Variants in YIPF6 observed in about 807,000 individuals in gnomAD.
YIPF6 encodes the protein protein YIPF6.
Under a neutral mutation model 16.8 loss-of-function variants are expected in YIPF6, and 3 were observed. The observed-to-expected ratio is 0.18, with a 90% CI of 0.08 to 0.46. YIPF6 has a LOEUF of 0.46. Ranked by LOEUF, YIPF6 falls within the 20% of genes least tolerant of loss-of-function variation. The pLI is 0.98. For synonymous variants in YIPF6, 67 were observed against 61.9 expected (o/e 1.08, Z -0.38); for missense variants, 145 against 184.9 (o/e 0.78, Z 1.25).
chrX:68,500,567 G>A (rs994275192), intron 1 of YIPF6, among the ~76,000 whole-genome samples: 1 of 111,303 alleles, frequency 9.0e-6, no homozygotes, highest in South Asian at 3.8e-4. Context: ...TGCCCGCCTC[G>A]GCCTCCCAAA....
At chrX:68,499,288 G>T in intron 1 of YIPF6, 165 bp downstream of exon 1, 1 of 640,083 alleles carries the variant, frequency 1.6e-6, no homozygotes, top group Non-Finnish European at 2.3e-6. Flanking sequence ...TGTTCTTTGC[G>T]CTAACCGCTT....
rs372331901 is a variant in YIPF6, at chrX:68,532,248, T to C, written c.*249T>C. On this transcript the variant is annotated 3_prime_UTR_variant, in exon 7 of 7. Coordinates refer to ENST00000462683, the MANE Select transcript of YIPF6 (RefSeq NM_173834.4). Reference sequence around the variant, plus strand: ...ATACATGTGCATACTACACACAGTATATAATGCCTCCTTAAGGCATGATGG... The same window carrying C: ...ATACATGTGCATACTACACACAGTACATAATGCCTCCTTAAGGCATGATGG... 1.2e-3 allele frequency: 294 copies of C among 246,203 alleles called. 5 individuals carry two copies. In the South Asian group the frequency reaches 0.04, roughly 34 times the overall value. 20.3% of individuals were successfully genotyped at this position (246,203 alleles called of 1,213,427 possible).
rs756520434 is a variant in YIPF6, at chrX:68,535,837, T to G, written c.*3838T>G. 4 of 111,254 alleles carry G rather than the reference T, an allele frequency of 3.6e-5. No individual in the cohort carries two copies. The East Asian group carries it at 1.1e-3, about 31-fold the overall frequency. 9.2% of individuals were successfully genotyped at this position (111,254 alleles called of 1,213,427 possible). A position where few individuals can be genotyped will look rare whatever the true frequency, so the allele number is the denominator to read the frequency against. On this transcript the variant is annotated 3_prime_UTR_variant, in exon 7 of 7. Transcript: ENST00000462683. ...AGACAGGGACTCACCCAGGCTGGAG[T>G]GCAGTGGAGCAGTCATGGCACACTG...
chrX:68,512,446 C>T (rs1361096766), intron 2 of YIPF6, among the ~76,000 whole-genome samples: 1 of 109,783 alleles, frequency 9.1e-6, no homozygotes, highest in Non-Finnish European at 1.9e-5. Flanking sequence ...AGCAAGACTC[C>T]ATCTCAAAAA....
chrX:68,516,495 A>G (rs913617424), intron 3 of YIPF6, among the ~76,000 whole-genome samples: 7 of 111,648 alleles, frequency 6.3e-5, no homozygotes, highest in Non-Finnish European at 1.3e-4. Context: ...ACATGACAGT[A>G]CACTTGAATT....
At chrX:68,526,798 C>T (rs2079150307) in intron 6 of YIPF6, among the ~76,000 whole-genome samples, 1 of 111,869 alleles carries the variant, frequency 8.9e-6, no homozygotes, top group African/African-American at 3.3e-5. Context: ...ATATGTTGAA[C>T]CAACCTTGCA....
intron 1 of YIPF6, among the ~76,000 whole-genome samples, chrX:68,507,781 T>A (rs1236422581): frequency 3.6e-5 from 4 of 110,031 alleles, no homozygotes; most frequent in African/African-American, 1.3e-4. Flanking sequence ...TTTTTGTATT[T>A]TTAGTAGAGA....
chrX:68,518,858 C>G, intron 4 of YIPF6, 46 bp downstream of exon 4: 1 of 1,109,992 alleles, frequency 9.0e-7, no homozygotes, highest in Non-Finnish European at 1.2e-6. Context: ...CTAGACTAGA[C>G]TTTTTTGTGG....
chrX:68,516,590 T>A (rs780924534), intron 3 of YIPF6, among the ~76,000 whole-genome samples: 2 of 112,098 alleles, frequency 1.8e-5, no homozygotes, highest in Non-Finnish European at 3.8e-5. Flanking sequence ...GTTTTTTATG[T>A]CTTTTCCAAA....
In YIPF6 at chrX:68,532,772, C is replaced by T; in HGVS notation, c.*773C>T. 1 of 111,701 alleles carries T rather than the reference C, an allele frequency of 9.0e-6. No homozygotes were observed. Among genetic ancestry groups the T allele is most frequent in the Non-Finnish European group, 1.9e-5 (1 of 53,127 alleles). The allele number at this position is 111,701 out of a possible 1,213,427, so 9.2% of individuals were successfully genotyped here. A position where few individuals can be genotyped will look rare whatever the true frequency, so the allele number is the denominator to read the frequency against. On this transcript the variant is annotated 3_prime_UTR_variant, in exon 7 of 7. Coordinates refer to ENST00000462683, the MANE Select transcript of YIPF6 (RefSeq NM_173834.4). Reference sequence around the variant, plus strand: ...ATGTCAGTAGTCAACATGTAATTTTCCTTTGAAATTCTGAATATTCCAGTG... The same window carrying T: ...ATGTCAGTAGTCAACATGTAATTTTTCTTTGAAATTCTGAATATTCCAGTG...
At chrX:68,499,570 G>A (rs779865697) in intron 1 of YIPF6, among the ~76,000 whole-genome samples, 5 of 111,664 alleles carry the variant, frequency 4.5e-5, no homozygotes, top group Non-Finnish European at 5.6e-5. Flanking sequence ...GACCCCAGTA[G>A]GCCAGGTTTA....
chrX:68,511,920 A>G lies in YIPF6; in HGVS notation c.129A>G (p.Arg43=). The stretch of plus-strand genomic sequence containing the variant: ...AAGGAGAAATCACCATTCCTATGAG[A>G]TCTCGCATCCGGGAGTTTGACAGCT... ...PVEGEITIPM[R]SRIREFDSST... is the part of the protein sequence containing the mutation. Residue 43 remains arginine, a synonymous_variant, in exon 2 of 7, where the codon AGA becomes AGG. Coordinates refer to ENST00000462683, the MANE Select transcript of YIPF6 (RefSeq NM_173834.4). 1 of 1,210,455 alleles carries G rather than the reference A, an allele frequency of 8.3e-7. No homozygotes were observed. The highest frequency in any genetic ancestry group is 1.1e-6 in the Non-Finnish European group (1 of 895,114).
rs184708106 is a variant in YIPF6, at chrX:68,516,075, A to T, written c.265+2670A>T. The stretch of plus-strand genomic sequence containing the variant: ...GAGGTGGAGGTTGCAGTGAGCCAAG[A>T]TTGCACCATTGCACTCCAGCCTGGG... On this transcript the variant is annotated intron_variant, in intron 3 of 6. Transcript: ENST00000462683. Among the ~76,000 whole-genome samples the T allele has an allele frequency of 6.3e-5, 7 of 111,291 alleles. No individual in the cohort carries two copies. The East Asian group carries it at 2.0e-3, about 32-fold the overall frequency.
At chrX:68,522,953 A>G (rs773915587) in intron 6 of YIPF6, 36 bp downstream of exon 6, 25 of 1,197,929 alleles carry the variant, frequency 2.1e-5, no homozygotes, top group African/African-American at 1.8e-5. Flanking sequence ...AACAGAACAG[A>G]CAAAAACATG....
At chrX:68,503,985 C>T (rs983492707) in intron 1 of YIPF6, among the ~76,000 whole-genome samples, 1 of 112,365 alleles carries the variant, frequency 8.9e-6, no homozygotes, top group Admixed American at 9.5e-5. Context: ...TCCCAAATTG[C>T]TGGGATTACA....
chrX:68,505,448 A>G (rs1012101986), intron 1 of YIPF6, among the ~76,000 whole-genome samples: 2 of 112,041 alleles, frequency 1.8e-5, no homozygotes, highest in Admixed American at 9.6e-5. Flanking sequence ...TACATGCTGC[A>G]GAGTATTCAA....
chrX:68,511,844 C>A lies in YIPF6; in HGVS notation c.58-5C>A. ...GCTTACTTTTTTTCCCCTGACTCTT[C>A]TCAGTTTGCAGGCCTTTCAGATATA... On this transcript the variant is annotated splice_region_variant and splice_polypyrimidine_tract_variant and intron_variant, in intron 1 of 6. Transcript: ENST00000462683. The A allele has an allele frequency of 3.3e-6, 4 of 1,195,250 alleles. No homozygotes were observed. In the South Asian group the frequency reaches 7.4e-5, roughly 22 times the overall value.
intron 3 of YIPF6, among the ~76,000 whole-genome samples, chrX:68,518,155 C>G (rs1345219624): frequency 9.3e-6 from 1 of 107,748 alleles, no homozygotes; most frequent in Non-Finnish European, 1.9e-5. Context: ...GCCTGTAATC[C>G]CAGCTACTCG....
chrX:68,520,945 T>C (rs1164660727), intron 4 of YIPF6, among the ~76,000 whole-genome samples: 1 of 111,622 alleles, frequency 9.0e-6, no homozygotes. Flanking sequence ...GCAGGCTCAA[T>C]GTTAGAAAGT....
Sources: allele counts gnomAD v4.1 joint callset (sites outside exome capture counted in the v4.1 genomes callset), GRCh38; gene constraint gnomAD v4.1.1; transcripts MANE v1.5; gene names NCBI Gene and HGNC (gene_info 2026-07-23, HGNC 2026-07-21).